The following LMNTD1 variants were observed in gnomAD, a reference collection of about 807,000 sequenced individuals.
LMNTD1 encodes lamin tail domain containing 1.
A neutral mutation model predicts 50.9 loss-of-function variants in LMNTD1; 35 were observed. The observed-to-expected ratio is 0.69, with a 90% CI of 0.53 to 0.91. The LOEUF (loss-of-function observed/expected upper bound fraction) is 0.91, where lower values mean the gene tolerates loss of function less well. Among genes scored for constraint, LMNTD1 ranks in the 40% least tolerant of loss-of-function variants. The pLI, the probability that LMNTD1 is intolerant of heterozygous loss-of-function variation, is 0.00. For synonymous variants in LMNTD1, 153 were observed against 161.9 expected (o/e 0.94, Z 0.42); for missense variants, 470 against 475.5 (o/e 0.99, Z 0.11).
intron 3 of LMNTD1, among the ~76,000 whole-genome samples, chr12:25,548,784 T>G (rs927064604): frequency 6.6e-6 from 1 of 151,972 alleles, no homozygotes; most frequent in Non-Finnish European, 1.5e-5. Flanking sequence ...TAGTCAAAAC[T>G]TTACTTTTTC....
At chr12:25,603,038 G>A (rs894041712) in intron 1 of LMNTD1, among the ~76,000 whole-genome samples, 2 of 152,024 alleles carry the variant, frequency 1.3e-5, no homozygotes, top group African/African-American at 4.8e-5. Flanking sequence ...AAATGGTAGA[G>A]GTGAGTGGTA....
intron 4 of LMNTD1, among the ~76,000 whole-genome samples, chr12:25,530,674 T>C (rs1942161129): frequency 6.6e-6 from 1 of 152,212 alleles, no homozygotes; most frequent in Non-Finnish European, 1.5e-5. Context: ...TTGATTTTGG[T>C]TGGACAAGTC....
intron 1 of LMNTD1, among the ~76,000 whole-genome samples, chr12:25,623,577 A>T (rs1946523370): frequency 6.8e-6 from 1 of 147,250 alleles, no homozygotes; most frequent in African/African-American, 2.6e-5. Flanking sequence ...AAAAAAAAAA[A>T]AAAAGGAGAG....
intron 1 of LMNTD1, among the ~76,000 whole-genome samples, chr12:25,577,498 A>G (rs552161610): frequency 4.2e-5 from 6 of 142,282 alleles, no homozygotes; most frequent in African/African-American, 1.3e-4. Flanking sequence ...TTTGTCTGTT[A>G]TTGGTGAATG....
chr12:25,490,339 G>A (rs1938844257), intron 9 of LMNTD1, among the ~76,000 whole-genome samples: 1 of 152,146 alleles, frequency 6.6e-6, no homozygotes, highest in Non-Finnish European at 1.5e-5. Flanking sequence ...ATTAAGTGAA[G>A]TTTAAACTAT....
intron 6 of LMNTD1, 81 bp from the exon 7 acceptor site, chr12:25,520,156 A>G (rs1196835991): frequency 1.4e-5 from 3 of 209,528 alleles, no homozygotes. Flanking sequence ...ATATATATAT[A>G]TATATATATA....
chr12:25,632,584 A>G (rs1946743292), intron 1 of LMNTD1, among the ~76,000 whole-genome samples: 1 of 152,164 alleles, frequency 6.6e-6, no homozygotes, highest in African/African-American at 2.4e-5. Context: ...TCTTTTTTGG[A>G]CAAACAAATG....
intron 9 of LMNTD1, among the ~76,000 whole-genome samples, chr12:25,502,227 TCC>T (rs34604830): frequency 6.6e-6 from 1 of 151,824 alleles, no homozygotes; most frequent in Admixed American, 6.6e-5. Flanking sequence ...CATAAAAAAT[TCC>T]CCCCCTTTTT....
intron 1 of LMNTD1, among the ~76,000 whole-genome samples, chr12:25,604,603 G>A (rs1946054416): frequency 6.6e-6 from 1 of 151,854 alleles, no homozygotes; most frequent in Non-Finnish European, 1.5e-5. Context: ...GCAGTGTTTG[G>A]TTTTTTGTCC....
At chr12:25,646,134 T>C (rs549306150) in intron 1 of LMNTD1, among the ~76,000 whole-genome samples, 3 of 152,100 alleles carry the variant, frequency 2.0e-5, no homozygotes, top group African/African-American at 7.2e-5. Flanking sequence ...TAATTTTTTT[T>C]AAATAAATAG....
At chr12:25,517,915 C>T (rs992965887) in intron 8 of LMNTD1, among the ~76,000 whole-genome samples, 15 of 152,006 alleles carry the variant, frequency 9.9e-5, no homozygotes, top group East Asian at 7.8e-4. Flanking sequence ...CTTGTGATTT[C>T]GTGGTGTCTT....
upstream of LMNTD1, among the ~76,000 whole-genome samples, chr12:25,557,892 A>C (rs769764451): frequency 5.3e-5 from 8 of 152,212 alleles, no homozygotes; most frequent in Non-Finnish European, 1.2e-4. Flanking sequence ...TCTGGAGCCA[A>C]AGCCTGTAAC....
rs538013732 is a variant in LMNTD1, at chr12:25,508,467, C to A, written c.1190-4667G>T. On this transcript the variant is annotated intron_variant, in intron 8 of 9. Transcript: ENST00000458174. ...TTATTGCATGTAGCAGTAGTTCATT[C>A]ATTTTCATTGCCTATGGGATTGTAT... Among the ~76,000 whole-genome samples the A allele has an allele frequency of 1.3e-4, 20 of 152,214 alleles. No individual in the cohort carries two copies. The South Asian group carries it at 3.1e-3, about 24-fold the overall frequency.
intron 1 of LMNTD1, among the ~76,000 whole-genome samples, chr12:25,593,291 C>T (rs193267761): frequency 7.1e-4 from 108 of 152,278 alleles, no homozygotes; most frequent in African/African-American, 2.6e-3. Context: ...AAGCCAAGGA[C>T]CCTTACAGAG....
At chr12:25,526,714 C>T in intron 5 of LMNTD1, 55 bp downstream of exon 5, 1 of 1,222,708 alleles carries the variant, frequency 8.2e-7, no homozygotes, top group Non-Finnish European at 1.1e-6. Flanking sequence ...CTGTCAGTGT[C>T]AACAAGTTTG....
At chr12:25,606,458 G>A (rs1483925410) in intron 1 of LMNTD1, among the ~76,000 whole-genome samples, 1 of 152,150 alleles carries the variant, frequency 6.6e-6, no homozygotes, top group Non-Finnish European at 1.5e-5. Context: ...GTATGATATT[G>A]GCTGTGGGTT....
chr12:25,479,464 T>TTGGC (rs1938373441), intron 9 of LMNTD1, among the ~76,000 whole-genome samples: 1 of 152,202 alleles, frequency 6.6e-6, no homozygotes, highest in Admixed American at 6.5e-5. Flanking sequence ...CCCTGCAAAG[T>TTGGC]ATTGTCATGT....
intron 1 of LMNTD1, among the ~76,000 whole-genome samples, chr12:25,590,816 C>T (rs766144369): frequency 5.9e-5 from 9 of 152,036 alleles, no homozygotes; most frequent in Non-Finnish European, 1.0e-4. Context: ...AAAGGGAGGA[C>T]CCTGGACGAG....
At chr12:25,633,939 T>C (rs887302757) in intron 1 of LMNTD1, among the ~76,000 whole-genome samples, 3 of 152,108 alleles carry the variant, frequency 2.0e-5, no homozygotes, top group Admixed American at 2.0e-4. Context: ...ATTAGCAAGA[T>C]TAACCAAGAA....
Sources: gnomAD v4.1 joint callset for allele counts (sites outside exome capture counted in the v4.1 genomes callset) on GRCh38, gnomAD v4.1.1 for gene constraint, MANE v1.5 for transcripts, NCBI Gene and HGNC (gene_info 2026-07-23, HGNC 2026-07-21) for gene names.